TDRD12: variants seen among roughly 807,000 people sequenced by gnomAD.
The protein encoded by TDRD12 is tudor domain containing 12.
A neutral mutation model predicts 133.5 loss-of-function variants in TDRD12; 158 were observed. The observed-to-expected ratio is 1.18, with a 90% CI of 1.04 to 1.35. The LOEUF (loss-of-function observed/expected upper bound fraction) is 1.35. TDRD12 is among the 40% of genes most tolerant of loss of function. The pLI is 0.00. For missense variants in TDRD12, 1,443 were observed against 1,321.3 expected, an observed-to-expected ratio of 1.09 and a Z score of -1.43; for synonymous variants, 460 against 477.9, an observed-to-expected ratio of 0.96 and a Z score of 0.49.
chr19:32,800,385 A>ATG (rs113439291), intron 17 of TDRD12, 27 bp downstream of exon 17: 41,886 of 1,360,722 alleles, frequency 0.031, 359 homozygotes, highest in South Asian at 0.097. Context: ...GTGTATGTGT[A>ATG]TGTGTGTGTG....
chr19:32,796,655 C>T (rs1971237264), intron 14 of TDRD12, among the ~76,000 whole-genome samples: 1 of 152,070 alleles, frequency 6.6e-6, no homozygotes, highest in Non-Finnish European at 1.5e-5. Flanking sequence ...GTTTCTATCT[C>T]CCAAATTACT....
chr19:32,802,878 C>T (rs1971440590), intron 20 of TDRD12, 44 bp from the exon 21 acceptor site: 47 of 1,527,806 alleles, frequency 3.1e-5, no homozygotes, highest in Non-Finnish European at 3.9e-5. Context: ...CTCAGTCAGA[C>T]TGGGATAGAT....
intron 21 of TDRD12, among the ~76,000 whole-genome samples, chr19:32,807,267 TAAAAAAAA>T (rs59421213): frequency 3.8e-4 from 18 of 47,206 alleles, no homozygotes; most frequent in Middle Eastern, 8.8e-3. Flanking sequence ...ACCAAACTCT[TAAAAAAAA>T]AAAAAAAAAA....
chr19:32,731,400 TA>T (rs1380326977), intron 1 of TDRD12, among the ~76,000 whole-genome samples: 7 of 151,926 alleles, frequency 4.6e-5, no homozygotes, highest in Non-Finnish European at 7.4e-5. Flanking sequence ...ATTTTTTTTT[TA>T]ATTAAAAAAA....
chr19:32,784,028 T>C (rs943573671), intron 11 of TDRD12, among the ~76,000 whole-genome samples: 1 of 152,194 alleles, frequency 6.6e-6, no homozygotes, highest in South Asian at 2.1e-4. Flanking sequence ...TCCAATACTA[T>C]GTCAAATAGG....
chr19:32,772,332 G>A (rs1285555410), intron 8 of TDRD12, among the ~76,000 whole-genome samples: 1 of 152,124 alleles, frequency 6.6e-6, no homozygotes, highest in African/African-American at 2.4e-5. Flanking sequence ...CACTTTAGAA[G>A]TCTCACAGCA....
At chr19:32,805,202 C>T (rs923001022) in intron 21 of TDRD12, among the ~76,000 whole-genome samples, 185 of 37,076 alleles carry the variant, frequency 5.0e-3, no homozygotes, top group African/African-American at 0.024. Context: ...TATATATACA[C>T]ACACACACAC....
At chr19:32,824,850 G>A (rs911738606), downstream of TDRD12, among the ~76,000 whole-genome samples, 1 of 151,878 alleles carries the variant, frequency 6.6e-6, no homozygotes, top group Non-Finnish European at 1.5e-5. Context: ...TGTGTTTCCC[G>A]GGGCACATCC....
intron 11 of TDRD12, among the ~76,000 whole-genome samples, chr19:32,784,087 G>T (rs1252506264): frequency 1.3e-5 from 2 of 152,184 alleles, no homozygotes; most frequent in Non-Finnish European, 2.9e-5. Context: ...CAAAGGGAAT[G>T]CTTCCAGTTT....
chr19:32,802,751 C>T (rs192542716), exon 20 of TDRD12: 17 of 1,536,510 alleles, frequency 1.1e-5, no homozygotes, highest in East Asian at 7.3e-5. Flanking sequence ...TTTTGGTGGA[C>T]GCCTGTATTG....
At chr19:32,794,693 G>A (rs1007072303) in exon 14 of TDRD12, 54 of 702,910 alleles carry the variant, frequency 7.7e-5, no homozygotes, top group Middle Eastern at 2.3e-4. Context: ...CTCCCATAGC[G>A]CGTGGCTGTG....
intron 2 of TDRD12, among the ~76,000 whole-genome samples, chr19:32,737,579 G>C (rs762063978): frequency 2.0e-5 from 3 of 151,934 alleles, no homozygotes; most frequent in African/African-American, 4.8e-5. Flanking sequence ...ACCCAGGCTG[G>C]AGTGCAGTGG....
At chr19:32,801,548 T>G (rs1165364073) in intron 18 of TDRD12, among the ~76,000 whole-genome samples, 8 of 152,222 alleles carry the variant, frequency 5.3e-5, no homozygotes, top group African/African-American at 1.7e-4. Flanking sequence ...ACTGCTTATT[T>G]CACTTGAGCA....
chr19:32,828,388 TG>T (rs34512682), exon 10 of TDRD12: 34 of 151,874 alleles, frequency 2.2e-4, no homozygotes, highest in African/African-American at 7.0e-4. Flanking sequence ...GCTGCAGCAC[TG>T]GGGGGGGTCA....
intron 24 of TDRD12, among the ~76,000 whole-genome samples, chr19:32,811,780 G>A (rs1361404827): frequency 6.6e-6 from 1 of 152,190 alleles, no homozygotes; most frequent in Non-Finnish European, 1.5e-5. Context: ...GAGGGATGAG[G>A]ATCCCTTGAG....
chr19:32,814,186 G>A (rs951484646), intron 25 of TDRD12, among the ~76,000 whole-genome samples: 1 of 152,124 alleles, frequency 6.6e-6, no homozygotes, highest in Non-Finnish European at 1.5e-5. Context: ...CAAAGCAGAC[G>A]AAGCCCCCAT....
chr19:32,775,998 G>C (rs186863686), intron 10 of TDRD12, among the ~76,000 whole-genome samples: 3 of 152,274 alleles, frequency 2.0e-5, no homozygotes, highest in Middle Eastern at 3.4e-3. Context: ...TCTGCCTTGC[G>C]AACTGTGGGT....
At chr19:32,781,069 A>G (rs1232438385) in intron 11 of TDRD12, among the ~76,000 whole-genome samples, 1 of 151,436 alleles carries the variant, frequency 6.6e-6, no homozygotes, top group Admixed American at 6.6e-5. Flanking sequence ...CAGCCTCCCA[A>G]GTAGCTGGGG....
intron 5 of TDRD12, 102 bp from the exon 6 acceptor site, chr19:32,749,682 C>A: frequency 1.2e-6 from 1 of 866,112 alleles, no homozygotes; most frequent in Non-Finnish European, 1.8e-6. Flanking sequence ...CATTTGGGCA[C>A]TCTTAAGTGG....
Sources: gnomAD v4.1 joint callset for allele counts (sites outside exome capture counted in the v4.1 genomes callset) on GRCh38, gnomAD v4.1.1 for gene constraint, MANE v1.5 for transcripts, NCBI Gene and HGNC (gene_info 2026-07-23, HGNC 2026-07-21) for gene names.